Variants in DRC1 observed in about 807,000 individuals in gnomAD.
The protein encoded by DRC1 is dynein regulatory complex protein 1.
In DRC1, 74 loss-of-function variants were observed where a neutral mutation model predicts 98.7. The observed-to-expected ratio is 0.75, with a 90% confidence interval of 0.62 to 0.91. The LOEUF (loss-of-function observed/expected upper bound fraction) is 0.91. Ranked by LOEUF, DRC1 falls within the 40% of genes least tolerant of loss-of-function variation. DRC1 has a pLI of 0.00. For missense variants in DRC1, 875 were observed against 886.0 expected (o/e 0.99, Z 0.16); for synonymous variants, 336 against 334.1 (o/e 1.01, Z -0.06).
intron 7 of DRC1, 65 bp downstream of exon 7, chr2:26,432,071 T>C: frequency 1.9e-6 from 3 of 1,561,920 alleles, no homozygotes; most frequent in South Asian, 2.4e-5. Flanking sequence ...CCTGTGAATG[T>C]TTCATATTTA....
intron 16 of DRC1, 132 bp downstream of exon 16, chr2:26,455,365 A>G (rs966432558): frequency 3.3e-5 from 27 of 820,844 alleles, no homozygotes; most frequent in Admixed American, 3.3e-4. Context: ...GATGTAAAAA[A>G]TCAAGAGTGG....
At chr2:26,420,785 A>G (rs1416682777) in intron 2 of DRC1, among the ~76,000 whole-genome samples, 3 of 126,408 alleles carry the variant, frequency 2.4e-5, no homozygotes, top group Admixed American at 8.9e-5. Flanking sequence ...TTTTTCTGAG[A>G]TAGGGTCTCA....
intron 8 of DRC1, among the ~76,000 whole-genome samples, 190 bp downstream of exon 8, chr2:26,440,707 G>A (rs979269899): frequency 4.9e-4 from 74 of 152,156 alleles, no homozygotes; most frequent in African/African-American, 1.5e-3. Context: ...AAGATCTTCC[G>A]TCCCCATTCA....
intron 9 of DRC1, 119 bp from the exon 10 acceptor site, chr2:26,444,596 AT>A (rs988771436): frequency 1.2e-4 from 133 of 1,095,204 alleles, no homozygotes; most frequent in Non-Finnish European, 2.4e-5. Flanking sequence ...CCGCCCAGGG[AT>A]GGGGCCAGGC....
At position 26,448,785 on chromosome 2, in the gene DRC1, G is replaced by T. The variant is rs779414208; in HGVS notation, c.1491G>T (p.Met497Ile). ...AAAAAACTACCAAGAGGATCCTGATGCTCCTGTGTGACGAGTCGGTGAGGC... is the reference window on the plus strand; with the variant it reads ...AAAAAACTACCAAGAGGATCCTGATTCTCCTGTGTGACGAGTCGGTGAGGC... ...ISEKTTKRIL[M>I]LLCDESGFLI... Residue 497 changes from methionine (M) to isoleucine (I), a missense_variant, in exon 11 of 17, where the codon ATG (methionine) becomes ATT (isoleucine). Coordinates refer to ENST00000288710, the MANE Select transcript of DRC1 (RefSeq NM_145038.5). The T allele has an allele frequency of 1.2e-6, 2 of 1,614,204 alleles. No homozygotes were observed. Among genetic ancestry groups the T allele is most frequent in the Non-Finnish European group, 1.7e-6 (2 of 1,180,034 alleles).
intron 2 of DRC1, among the ~76,000 whole-genome samples, chr2:26,416,962 A>C (rs1012596419): frequency 2.0e-5 from 3 of 152,190 alleles, no homozygotes; most frequent in Non-Finnish European, 2.9e-5. Context: ...CAGGCATCTC[A>C]CATGGCAGGA....
intron 1 of DRC1, among the ~76,000 whole-genome samples, chr2:26,403,241 G>A (rs904290428): frequency 2.0e-5 from 3 of 152,072 alleles, no homozygotes; most frequent in African/African-American, 4.8e-5. Flanking sequence ...TGCACTGGAG[G>A]GCACATTTGT....
chr2:26,413,204 G>A (rs1678676422), intron 1 of DRC1, among the ~76,000 whole-genome samples: 1 of 152,178 alleles, frequency 6.6e-6, no homozygotes, highest in Non-Finnish European at 1.5e-5. Flanking sequence ...CTTTTTGTAG[G>A]CTACAAAGTA....
At chr2:26,414,864 T>G (rs1210018414) in intron 2 of DRC1, among the ~76,000 whole-genome samples, 2 of 152,094 alleles carry the variant, frequency 1.3e-5, no homozygotes, top group Admixed American at 6.5e-5. Context: ...CCAGGCCCCC[T>G]CTATTCTCCT....
chr2:26,413,071 C>T (rs939247878), intron 1 of DRC1, among the ~76,000 whole-genome samples: 4 of 152,366 alleles, frequency 2.6e-5, no homozygotes, highest in African/African-American at 9.6e-5. Flanking sequence ...CGTGAGCCAT[C>T]GCGCCCAGCC....
chr2:26,441,452 CAG>C (rs1470099481), intron 8 of DRC1, among the ~76,000 whole-genome samples: 1 of 152,080 alleles, frequency 6.6e-6, no homozygotes, highest in Non-Finnish European at 1.5e-5. Flanking sequence ...TAAGAATAGA[CAG>C]GGGACAATAT....
At chr2:26,448,285 G>A in intron 10 of DRC1, 1 of 459,870 alleles carries the variant, frequency 2.2e-6, no homozygotes, top group Non-Finnish European at 4.5e-6. Context: ...GCTTTGAGTT[G>A]GCTGCTTCTG....
At chr2:26,421,503 A>T in intron 3 of DRC1, 103 bp downstream of exon 3, 1 of 759,496 alleles carries the variant, frequency 1.3e-6, no homozygotes, top group Non-Finnish European at 2.1e-6. Context: ...ACCTTAGACA[A>T]TTCCCTTCCT....
chr2:26,432,064 G>T, intron 7 of DRC1, 58 bp downstream of exon 7: 1 of 1,575,040 alleles, frequency 6.3e-7, no homozygotes. Context: ...GTGAACACCT[G>T]TGAATGTTTC....
rs1444128888 is a variant in DRC1, at chr2:26,450,682, G to A, written c.1689+1G>A. On this transcript the variant is annotated splice_donor_variant, in intron 13 of 16. Coordinates refer to ENST00000288710, the MANE Select transcript of DRC1 (RefSeq NM_145038.5). LOFTEE classifies it high-confidence loss of function. ...TCACCGTTTATCTTCCAGCCTCCAG[G>A]TAAGGCAAGGTGCAGAGAGAAGAAA... The A allele has an allele frequency of 6.3e-7, 1 of 1,589,264 alleles. No homozygotes were observed. Among genetic ancestry groups the A allele is most frequent in the South Asian group, 1.1e-5 (1 of 89,596 alleles).
intron 1 of DRC1, among the ~76,000 whole-genome samples, chr2:26,406,923 T>A (rs1572349619): frequency 6.8e-6 from 1 of 147,118 alleles, no homozygotes; most frequent in Non-Finnish European, 1.5e-5. Flanking sequence ...ACTCAAGTGA[T>A]CCCCCCCACC....
At chr2:26,441,206 C>T (rs931598524) in intron 8 of DRC1, among the ~76,000 whole-genome samples, 2 of 152,110 alleles carry the variant, frequency 1.3e-5, no homozygotes, top group Admixed American at 6.5e-5. Context: ...CTCTGAGGAC[C>T]AGAGTGAAAT....
At position 26,422,682 on chromosome 2, in the gene DRC1, G is replaced by A. The variant is rs137984404; in HGVS notation, c.356+1282G>A. 8.1e-4 allele frequency among the ~76,000 whole-genome samples: 124 copies of A among 152,270 alleles called. 1 individual carries two copies. The Middle Eastern group carries it at 0.017, about 21-fold the overall frequency. ...TGTAATCCCAGCACTTTGGGAGGCC[G>A]AGGAAGGCGGATTGCTTGAGGTCAG... On this transcript the variant is annotated intron_variant, in intron 3 of 16. Transcript: ENST00000288710.
At chr2:26,447,501 T>C (rs936538147) in intron 10 of DRC1, among the ~76,000 whole-genome samples, 36 of 152,206 alleles carry the variant, frequency 2.4e-4, no homozygotes, top group Non-Finnish European at 3.5e-4. Context: ...TAGGTATTTT[T>C]GTTTCGTTTT....
Sources: allele counts gnomAD v4.1 joint callset (sites outside exome capture counted in the v4.1 genomes callset), GRCh38; gene constraint gnomAD v4.1.1; transcripts MANE v1.5; gene names NCBI Gene and HGNC (gene_info 2026-07-23, HGNC 2026-07-21).